Variants in RYR2 observed in about 807,000 individuals in gnomAD.
RYR2 encodes the protein ryanodine receptor 2, also known as cardiac muscle ryanodine receptor-calcium release channel.
Under a neutral mutation model 601.1 loss-of-function variants are expected in RYR2, and 227 were observed. That is an observed-to-expected ratio of 0.38 (90% CI 0.34 to 0.42). RYR2 has a LOEUF of 0.42. RYR2 is among the 10% of genes least tolerant of loss of function. RYR2 has a pLI of 1.00. For synonymous variants in RYR2, 2,223 were observed against 2,175.1 expected (o/e 1.02, Z -0.61); for missense variants, 4,646 against 6,156.5 (o/e 0.75, Z 8.21).
chr1:237,434,213 G>A (rs1000039048), intron 12 of RYR2, among the ~76,000 whole-genome samples: 4 of 152,102 alleles, frequency 2.6e-5, no homozygotes, highest in Non-Finnish European at 5.9e-5. Flanking sequence ...GGTGAGACTG[G>A]CTTTAAAATT....
intron 2 of RYR2, among the ~76,000 whole-genome samples, chr1:237,294,346 A>T (rs1436169724): frequency 6.6e-6 from 1 of 151,884 alleles, no homozygotes; most frequent in Non-Finnish European, 1.5e-5. Flanking sequence ...TTAAAAATGC[A>T]TTTTTCCAGG....
At chr1:237,253,001 C>T (rs974671234) in intron 1 of RYR2, among the ~76,000 whole-genome samples, 2 of 151,920 alleles carry the variant, frequency 1.3e-5, no homozygotes, top group African/African-American at 4.8e-5. Context: ...TCCATCTCTA[C>T]TAAAAATACA....
intron 79 of RYR2, among the ~76,000 whole-genome samples, chr1:237,737,179 T>A (rs190692085): frequency 3.4e-4 from 52 of 152,358 alleles, no homozygotes; most frequent in South Asian, 1.9e-3. Context: ...TTGATTTTGT[T>A]GGATCCTAAA....
At chr1:237,592,645 A>AG in intron 32 of RYR2, among the ~76,000 whole-genome samples, 1 of 149,424 alleles carries the variant, frequency 6.7e-6, no homozygotes, top group South Asian at 2.1e-4. Context: ...AAAAAAAAAA[A>AG]GTGAGCTTAA....
chr1:237,265,283 C>T (rs544650734), intron 1 of RYR2, among the ~76,000 whole-genome samples: 1 of 152,084 alleles, frequency 6.6e-6, no homozygotes, highest in East Asian at 1.9e-4. Context: ...TGGTGCCAGA[C>T]CATGCAGTGC....
chr1:237,193,887 T>C (rs146955395), intron 1 of RYR2, among the ~76,000 whole-genome samples: 39 of 152,344 alleles, frequency 2.6e-4, no homozygotes, highest in African/African-American at 8.9e-4. Flanking sequence ...GCATTTCTAA[T>C]AGTTTAATAA....
intron 104 of RYR2, among the ~76,000 whole-genome samples, chr1:237,831,859 G>A (rs934874706): frequency 8.1e-5 from 4 of 49,390 alleles, no homozygotes; most frequent in African/African-American, 7.8e-4. Context: ...ATTGCATAAT[G>A]TCTTTGTTTA....
chr1:237,467,119 G>T (rs901877370), intron 16 of RYR2, among the ~76,000 whole-genome samples: 2 of 148,174 alleles, frequency 1.3e-5, no homozygotes, highest in East Asian at 2.0e-4. Context: ...TATAATTTTA[G>T]ATAGATAATA....
rs1484368884 is a variant in RYR2 at position 237,667,869 on chromosome 1, T to C, written c.8515-14T>C. ...TTTACTTATTGAAACGATAAATATT[T>C]TTGTTCATTTAAGGCTATGGCAGAA... is the stretch of plus-strand genomic sequence containing the variant. On this transcript the variant is annotated splice_polypyrimidine_tract_variant and intron_variant, in intron 57 of 104. Transcript: ENST00000366574. 1 of 1,549,180 alleles carries C rather than the reference T, an allele frequency of 6.5e-7. No individual in the cohort carries two copies. The highest frequency in any genetic ancestry group is 1.2e-5 in the South Asian group (1 of 81,250).
intron 16 of RYR2, among the ~76,000 whole-genome samples, chr1:237,461,198 T>C (rs2150253313): frequency 6.6e-6 from 1 of 152,362 alleles, no homozygotes; most frequent in African/African-American, 2.4e-5. Context: ...TCTATTATTC[T>C]ACCCATTTTT....
intron 29 of RYR2, among the ~76,000 whole-genome samples, chr1:237,588,191 A>T (rs544813784): frequency 6.6e-6 from 1 of 152,092 alleles, no homozygotes; most frequent in African/African-American, 2.4e-5. Flanking sequence ...ACACAGCTGG[A>T]TATGTTCTTT....
intron 38 of RYR2, among the ~76,000 whole-genome samples, chr1:237,618,363 C>T (rs147063259): frequency 4.0e-4 from 61 of 152,172 alleles, no homozygotes; most frequent in African/African-American, 1.4e-3. Context: ...TGTGCTTTTC[C>T]CGATTCTTCC....
At chr1:237,143,793 G>A (rs889516836) in intron 1 of RYR2, among the ~76,000 whole-genome samples, 1 of 151,994 alleles carries the variant, frequency 6.6e-6, no homozygotes, top group Non-Finnish European at 1.5e-5. Flanking sequence ...TGGGGAAAAA[G>A]AACAAAAACC....
chr1:237,521,469 C>T (rs1216551073), intron 24 of RYR2, among the ~76,000 whole-genome samples: 2 of 152,106 alleles, frequency 1.3e-5, no homozygotes, highest in African/African-American at 4.8e-5. Context: ...CCTGTAATCT[C>T]AGCACTTTGG....
At chr1:237,216,232 A>G (rs1224102605) in intron 1 of RYR2, among the ~76,000 whole-genome samples, 3 of 152,174 alleles carry the variant, frequency 2.0e-5, no homozygotes, top group Non-Finnish European at 4.4e-5. Flanking sequence ...TCAATATTAC[A>G]TCTGCATCTC....
chr1:237,175,741 T>C (rs1384279544), intron 1 of RYR2, among the ~76,000 whole-genome samples: 1 of 152,128 alleles, frequency 6.6e-6, no homozygotes, highest in Non-Finnish European at 1.5e-5. Flanking sequence ...GCCAGGACAA[T>C]ATCTACTGGG....
chr1:237,562,517 C>A (rs1671559459), intron 27 of RYR2, among the ~76,000 whole-genome samples: 2 of 152,080 alleles, frequency 1.3e-5, no homozygotes, highest in Admixed American at 1.3e-4. Context: ...GTGTGTCATG[C>A]CTGGGAGGTA....
At chr1:237,178,591 A>G (rs12082388) in intron 1 of RYR2, among the ~76,000 whole-genome samples, 5,226 of 152,086 alleles carry the variant, frequency 0.034, 318 homozygotes, top group African/African-American at 0.12. Flanking sequence ...TTGATCACTT[A>G]AGGCCAGGAG....
At chr1:237,800,977 G>A (rs1200921940) in intron 97 of RYR2, among the ~76,000 whole-genome samples, 3 of 151,930 alleles carry the variant, frequency 2.0e-5, no homozygotes, top group Non-Finnish European at 2.9e-5. Flanking sequence ...GAGAACTGAG[G>A]GGAAGGGCTA....
Sources: gnomAD v4.1 joint callset for allele counts (sites outside exome capture counted in the v4.1 genomes callset) on GRCh38, gnomAD v4.1.1 for gene constraint, MANE v1.5 for transcripts, NCBI Gene and HGNC (gene_info 2026-07-23, HGNC 2026-07-21) for gene names.